Variants in TXNRD3 observed in about 807,000 individuals in gnomAD.
TXNRD3 encodes TXNRD3 neighbor gene protein.
Under a neutral mutation model 78.2 loss-of-function variants are expected in TXNRD3, and 68 were observed. That is an observed-to-expected ratio of 0.87 (90% CI 0.72 to 1.06). TXNRD3 has a LOEUF of 1.06. TXNRD3 is among the 50% of genes least tolerant of loss of function. TXNRD3 has a pLI of 0.00. For missense variants in TXNRD3, 751 were observed against 809.5 expected, an observed-to-expected ratio of 0.93 and a Z score of 0.88; for synonymous variants, 296 against 300.1, an observed-to-expected ratio of 0.99 and a Z score of 0.14.
chr3:126,635,040 T>C (rs1938821715), intron 6 of TXNRD3, among the ~76,000 whole-genome samples: 1 of 152,156 alleles, frequency 6.6e-6, no homozygotes, highest in African/African-American at 2.4e-5. Context: ...TCTTACTACA[T>C]TACCTCATCC....
At chr3:126,643,294 T>C (rs1933139529) in intron 5 of TXNRD3, among the ~76,000 whole-genome samples, 1 of 152,132 alleles carries the variant, frequency 6.6e-6, no homozygotes, top group African/African-American at 2.4e-5. Context: ...AAAGAATAAA[T>C]GGAAAACATC....
At chr3:126,649,966 C>T (rs2107629941) in intron 1 of TXNRD3, among the ~76,000 whole-genome samples, 1 of 151,400 alleles carries the variant, frequency 6.6e-6, no homozygotes, top group African/African-American at 2.4e-5. Flanking sequence ...TGCCACTGAA[C>T]TCTACACTAA....
intron 10 of TXNRD3, among the ~76,000 whole-genome samples, chr3:126,626,474 G>C (rs1938582184): frequency 6.6e-6 from 1 of 152,068 alleles, no homozygotes; most frequent in East Asian, 1.9e-4. Flanking sequence ...CAATAAAAAA[G>C]GGCTGAAGAC....
At chr3:126,637,960 T>A (rs1190473771) in intron 6 of TXNRD3, among the ~76,000 whole-genome samples, 1 of 107,050 alleles carries the variant, frequency 9.3e-6, no homozygotes, top group African/African-American at 3.2e-5. Flanking sequence ...TTTTTTTTTT[T>A]TTTGAGATGG....
In TXNRD3 at chr3:126,625,660, G is replaced by A. The variant is rs563072584; in HGVS notation, c.1291-3120C>T. On this transcript the variant is annotated intron_variant, in intron 10 of 15. Transcript: ENST00000524230. The stretch of plus-strand genomic sequence containing the variant: ...AGCAACATTATTTATAATCCTTTGG[G>A]TATATACCCAGTAATGGGATGGCTG... Among the ~76,000 whole-genome samples, 8 of 152,186 alleles carry A rather than the reference G, an allele frequency of 5.3e-5. No individual in the cohort carries two copies. In the South Asian group the frequency reaches 1.2e-3, roughly 24 times the overall value.
At chr3:126,631,702 G>T in intron 8 of TXNRD3, 62 bp downstream of exon 8, 1 of 1,050,436 alleles carries the variant, frequency 9.5e-7, no homozygotes, top group Non-Finnish European at 1.4e-6. Flanking sequence ...AAGTAAACTG[G>T]AAACATGTCA....
chr3:126,653,850 AAATT>A (rs1365050727), intron 1 of TXNRD3, among the ~76,000 whole-genome samples: 1 of 152,224 alleles, frequency 6.6e-6, no homozygotes, highest in Non-Finnish European at 1.5e-5. Flanking sequence ...TCAGCAACGA[AAATT>A]AATGAACCCC....
At position 126,610,941 on chromosome 3, in the gene TXNRD3, C is replaced by T. The variant is rs189136349; in HGVS notation, c.1728+96G>A. 39 of 715,084 alleles carry T rather than the reference C, an allele frequency of 5.5e-5. No homozygotes were observed. The East Asian group carries it at 1.1e-3, about 20-fold the overall frequency. 44.3% of individuals were successfully genotyped at this position (715,084 alleles called of 1,614,324 possible). ...CCAGCCTGAGCAACATGGCAAGATCCCGTCTCTAAAAAAAAAAATTATAGA... is the reference window on the plus strand; with the variant it reads ...CCAGCCTGAGCAACATGGCAAGATCTCGTCTCTAAAAAAAAAAATTATAGA... On this transcript the variant is annotated intron_variant, in intron 14 of 15. Transcript: ENST00000524230.
chr3:126,615,126 C>G (rs1317261990), intron 13 of TXNRD3, among the ~76,000 whole-genome samples: 4 of 152,156 alleles, frequency 2.6e-5, no homozygotes, highest in African/African-American at 9.7e-5. Flanking sequence ...ACTTGTAATT[C>G]AAGTGTCCTG....
At chr3:126,646,039 TTTTCTCCTC>T in intron 3 of TXNRD3, 63 bp downstream of exon 3, 3 of 1,240,988 alleles carry the variant, frequency 2.4e-6, no homozygotes, top group Non-Finnish European at 3.2e-6. Context: ...CTAAAAACCA[TTTTCTCCTC>T]TTTTAAATAC....
intron 1 of TXNRD3, among the ~76,000 whole-genome samples, chr3:126,654,013 T>A (rs1431290535): frequency 2.0e-5 from 3 of 151,754 alleles, no homozygotes; most frequent in Non-Finnish European, 4.4e-5. Context: ...ATATATATAT[T>A]TGGTAAAAAT....
At chr3:126,608,404 C>A in intron 15 of TXNRD3, 95 bp downstream of exon 15, 2 of 1,222,750 alleles carry the variant, frequency 1.6e-6, no homozygotes, top group Non-Finnish European at 1.1e-6. Context: ...ATATACAAAT[C>A]AGTTACTAAT....
chr3:126,644,749 T>C (rs548413544), intron 3 of TXNRD3, among the ~76,000 whole-genome samples: 4 of 152,238 alleles, frequency 2.6e-5, no homozygotes, highest in African/African-American at 9.6e-5. Context: ...AATAGCCAAG[T>C]ATCATTTTTC....
At chr3:126,611,615 T>G (rs1455951806) in intron 13 of TXNRD3, among the ~76,000 whole-genome samples, 1 of 152,170 alleles carries the variant, frequency 6.6e-6, no homozygotes, top group Non-Finnish European at 1.5e-5. Flanking sequence ...CACATTTCTG[T>G]CCCCAGGCCC....
intron 13 of TXNRD3, among the ~76,000 whole-genome samples, chr3:126,612,415 A>G (rs147232679): frequency 2.0e-4 from 31 of 152,204 alleles, no homozygotes; most frequent in East Asian, 1.7e-3. Context: ...CTTAGGATAC[A>G]CTTTCCTAAA....
At chr3:126,608,059 T>G (rs898161101) in intron 15 of TXNRD3, 86 bp from the exon 16 acceptor site, 10 of 1,058,114 alleles carry the variant, frequency 9.5e-6, no homozygotes, top group Non-Finnish European at 1.3e-5. Flanking sequence ...TTTATGCTAT[T>G]CTTTAAAATA....
At chr3:126,608,987 G>A (rs1938127969) in intron 14 of TXNRD3, among the ~76,000 whole-genome samples, 1 of 152,104 alleles carries the variant, frequency 6.6e-6, no homozygotes, top group Non-Finnish European at 1.5e-5. Context: ...TAACTCTAGG[G>A]CAGCAGGTTT....
At chr3:126,608,180 G>A (rs536081651) in intron 15 of TXNRD3, among the ~76,000 whole-genome samples, 9 of 151,908 alleles carry the variant, frequency 5.9e-5, no homozygotes, top group South Asian at 2.1e-4. Flanking sequence ...GGCCAACATG[G>A]TGAAACCCCA....
At chr3:126,639,197 G>A (rs529922673) in intron 6 of TXNRD3, among the ~76,000 whole-genome samples, 1 of 152,148 alleles carries the variant, frequency 6.6e-6, no homozygotes, top group Non-Finnish European at 1.5e-5. Flanking sequence ...GTCAAAATGT[G>A]CATAATTCAA....
Sources: allele counts gnomAD v4.1 joint callset (sites outside exome capture counted in the v4.1 genomes callset), GRCh38; gene constraint gnomAD v4.1.1; transcripts MANE v1.5; gene names NCBI Gene and HGNC (gene_info 2026-07-23, HGNC 2026-07-21).